HAPLN3: variants seen among roughly 807,000 people sequenced by gnomAD.
HAPLN3 encodes hyaluronan and proteoglycan link protein 3, also known as extracellular link domain containing, 1.
Under a neutral mutation model 28.1 loss-of-function variants are expected in HAPLN3, and 28 were observed. The observed-to-expected ratio is 1.00, with a 90% CI of 0.74 to 1.37. HAPLN3 has a LOEUF of 1.37. Ranked by LOEUF, HAPLN3 falls within the 40% of genes most tolerant of loss-of-function variation. The pLI is 0.00. For synonymous variants in HAPLN3, 211 were observed against 213.1 expected (o/e 0.99, Z 0.09); for missense variants, 513 against 504.6 (o/e 1.02, Z -0.16).
At chr15:88,892,940 C>A in intron 1 of HAPLN3, 1 of 1,532,740 alleles carries the variant, frequency 6.5e-7, no homozygotes, top group Non-Finnish European at 8.7e-7. Flanking sequence ...GTGCCACCAG[C>A]TGGAAGGCCC....
At chr15:88,883,279 T>G (rs1897756723) in intron 2 of HAPLN3, among the ~76,000 whole-genome samples, 2 of 152,252 alleles carry the variant, frequency 1.3e-5, no homozygotes, top group Non-Finnish European at 2.9e-5. Context: ...CAGGGGACTT[T>G]CAGGCTCATT....
rs1304452666 is a variant in HAPLN3, at chr15:88,879,219, G to A, written c.544C>T (p.His182Tyr). 8.7e-6 allele frequency: 14 copies of A among 1,611,686 alleles called. No homozygotes were observed. Among genetic ancestry groups the A allele is most frequent in the Non-Finnish European group, 1.2e-5 (14 of 1,178,880 alleles). ...SPNGRYQFNF[H>Y]EGQQVCAEQA... ...TCTGCACAGACCTGCTGGCCCTCGT[G>A]GAAGTTGAACTGGTAGCGCCCGTTG... The change falls in exon 4 of 5, where the codon CAC (histidine) becomes TAC (tyrosine). Residue 182 changes from histidine (H) to tyrosine (Y), a missense_variant. Transcript: ENST00000359595. This position sits in a 1 kb window ranked among gnomAD's most constrained non-coding sequence, Gnocchi z 5.0.
intron 2 of HAPLN3, among the ~76,000 whole-genome samples, chr15:88,884,083 A>AG (rs1184250419): frequency 2.6e-5 from 4 of 152,052 alleles, no homozygotes; most frequent in African/African-American, 9.7e-5. Flanking sequence ...AAAAAAAAAA[A>AG]AAAGAAAAGG....
At position 88,887,269 on chromosome 15, in the gene HAPLN3, G is replaced by A. The variant is rs751109827; in HGVS notation, c.30C>T (p.Leu10=). 7 of 1,614,016 alleles carry A rather than the reference G, an allele frequency of 4.3e-6. No individual in the cohort carries two copies. In the Admixed American group the frequency reaches 5.0e-5, roughly 12 times the overall value. The change falls in exon 2 of 5, where the codon CTC becomes CTT. Residue 10 remains leucine, a synonymous_variant. Transcript: ENST00000359595. ...GCAGTCCGTAGGAGCCGGGCAGCAG[G>A]AGCAACGGGACCAGGAGCAACAGGC... MGLLLLVPL[L]LLPGSYGLPF...
intron 1 of HAPLN3, among the ~76,000 whole-genome samples, chr15:88,889,288 C>T (rs532308727): frequency 2.6e-5 from 4 of 152,226 alleles, no homozygotes; most frequent in African/African-American, 9.6e-5. Context: ...AAGGGGGTCA[C>T]CAGGGCCAGC....
chr15:88,879,552 C>T lies in HAPLN3; in HGVS notation c.494-283G>A, dbSNP rs1049843224. The T allele has an allele frequency of 9.9e-6, 14 of 1,420,932 alleles. No individual in the cohort carries two copies. The highest frequency in any genetic ancestry group is 4.3e-5 in the African/African-American group (3 of 70,470). 88.0% of individuals were successfully genotyped at this position (1,420,932 alleles called of 1,614,324 possible). ...TCCCCAACCTAATCCGCAAGGCTGT[C>T]GCCAGACCCCCAGTGAGGCTGTGCC... is the stretch of plus-strand genomic sequence containing the variant. On this transcript the variant is annotated intron_variant, in intron 3 of 4. Coordinates refer to ENST00000359595, the MANE Select transcript of HAPLN3 (RefSeq NM_178232.4). The surrounding 1 kb of genome is among the most constrained non-coding windows in gnomAD (Gnocchi z 5.0).
chr15:88,887,944 C>T (rs1897909502), intron 1 of HAPLN3, among the ~76,000 whole-genome samples: 1 of 151,310 alleles, frequency 6.6e-6, no homozygotes, highest in Admixed American at 6.6e-5. Context: ...GCCTGGGCAA[C>T]AAGAGTGAAA....
intron 1 of HAPLN3, among the ~76,000 whole-genome samples, chr15:88,892,352 G>A (rs1185556462): frequency 6.6e-6 from 1 of 152,080 alleles, no homozygotes; most frequent in Non-Finnish European, 1.5e-5. Context: ...AGCTACTCCA[G>A]AGGCTGAGGC....
intron 4 of HAPLN3, among the ~76,000 whole-genome samples, 189 bp downstream of exon 4, chr15:88,878,778 A>G (rs1897606633): frequency 6.6e-6 from 1 of 152,246 alleles, no homozygotes; most frequent in African/African-American, 2.4e-5. Flanking sequence ...TATGCCCTGC[A>G]TAACGCAGCA....
chr15:88,888,712 G>A lies in HAPLN3; in HGVS notation c.-47-1367C>T, dbSNP rs1897932389. ...GTCCAGGGAGGGGGCAGAGTCGTGG[G>A]CAGGCAGTCTTGATTGCTGTGTGTT... On this transcript the variant is annotated intron_variant, in intron 1 of 4. Transcript: ENST00000359595. This position sits in a 1 kb window ranked among gnomAD's most constrained non-coding sequence, Gnocchi z 4.1. Among the ~76,000 whole-genome samples the A allele has an allele frequency of 6.6e-6, 1 of 152,164 alleles. No individual in the cohort carries two copies. The highest frequency in any genetic ancestry group is 2.1e-4 in the South Asian group (1 of 4,834).
In HAPLN3 at chr15:88,879,884, CGT is replaced by C. The variant is rs1298478657; in HGVS notation, c.494-617_494-616del. The C allele has an allele frequency of 9.9e-7, 1 of 1,014,388 alleles. No individual in the cohort carries two copies. Among genetic ancestry groups the C allele is most frequent in the Non-Finnish European group, 1.2e-6 (1 of 847,336 alleles). The allele number at this position is 1,014,388 out of a possible 1,614,324, so 62.8% of individuals were successfully genotyped here. On this transcript the variant is annotated intron_variant, in intron 3 of 4. Transcript: ENST00000359595. This position sits in a 1 kb window ranked among gnomAD's most constrained non-coding sequence, Gnocchi z 5.0. ...GCCACAGGCCCTGAAAAGATATGTT[CGT>C]GTTTGAAATTTTACTCTAATAAAAA...
chr15:88,882,213 G>A (rs1052480031), intron 2 of HAPLN3, among the ~76,000 whole-genome samples: 14 of 152,316 alleles, frequency 9.2e-5, no homozygotes, highest in Middle Eastern at 3.4e-3. Flanking sequence ...AGACCCAACC[G>A]CAAGACCTGA....
At chr15:88,894,432 C>A (rs561461157) in intron 1 of HAPLN3, among the ~76,000 whole-genome samples, 4 of 152,182 alleles carry the variant, frequency 2.6e-5, no homozygotes, top group African/African-American at 9.6e-5. Flanking sequence ...AGTACAAGTC[C>A]CCCAGGTACC....
At chr15:88,878,387 G>T (rs1180111910) in intron 4 of HAPLN3, 131 bp from the exon 5 acceptor site, 16 of 806,234 alleles carry the variant, frequency 2.0e-5, no homozygotes, top group Non-Finnish European at 2.9e-5. Flanking sequence ...CATCTGCAGA[G>T]AACACTTTCT....
chr15:88,879,266 A>T lies in HAPLN3; in HGVS notation c.497T>A (p.Val166Glu). The T allele has an allele frequency of 6.2e-7, 1 of 1,606,104 alleles. No homozygotes were observed. Among genetic ancestry groups the T allele is most frequent in the Non-Finnish European group, 8.5e-7 (1 of 1,175,910 alleles). Residue 166 changes from valine to glutamate, a missense_variant, in exon 4 of 5, where the codon GTG (valine) becomes GAG (glutamate). Transcript: ENST00000359595. The surrounding 1 kb of genome is among the most constrained non-coding windows in gnomAD (Gnocchi z 5.0). ...SGLVELELRGVVFPYQSPNGR... is the reference protein window; with the variant it reads ...SGLVELELRGEVFPYQSPNGR... ...GTTGGGGGACTGGTAAGGAAAGACCACACCTGCAGGGGAAGGAAAGAGGAG... is the reference window on the plus strand; with the variant it reads ...GTTGGGGGACTGGTAAGGAAAGACCTCACCTGCAGGGGAAGGAAAGAGGAG...
At chr15:88,893,946 TGGG>T (rs1387711499) in intron 1 of HAPLN3, among the ~76,000 whole-genome samples, 1 of 77,022 alleles carries the variant, frequency 1.3e-5, no homozygotes, top group Non-Finnish European at 2.5e-5. Context: ...AAAAAAAAGT[TGGG>T]GTGGGGGGGG....
In HAPLN3 at chr15:88,879,058, G is replaced by T; in HGVS notation, c.705C>A (p.Gly235=). 1 of 1,606,122 alleles carries T rather than the reference G, an allele frequency of 6.2e-7. No homozygotes were observed. Among genetic ancestry groups the T allele is most frequent in the Non-Finnish European group, 8.5e-7 (1 of 1,176,648 alleles). ...TTCGCACGCCAGGTGCCAGGCCCGG[G>T]CCACCGCAGGGCTGCCGGGGCAACA... The part of the protein sequence containing the change: ...PIMLPRQPCG[G]PGLAPGVRSY... The change falls in exon 4 of 5, where the codon GGC becomes GGA. Residue 235 remains glycine (G), a synonymous_variant. Transcript: ENST00000359595. This position sits in a 1 kb window ranked among gnomAD's most constrained non-coding sequence, Gnocchi z 5.0.
In HAPLN3 at chr15:88,893,288, G is replaced by A. The variant is rs182876628; in HGVS notation, c.-48+2171C>T. Reference sequence around the variant, plus strand: ...CAAAATTTAGCTGGGTGTGGTGGCAGATGCCTGTAATCCCAGCTACTGGGG... The same window carrying A: ...CAAAATTTAGCTGGGTGTGGTGGCAAATGCCTGTAATCCCAGCTACTGGGG... On this transcript the variant is annotated intron_variant, in intron 1 of 4. Coordinates refer to ENST00000359595, the MANE Select transcript of HAPLN3 (RefSeq NM_178232.4). Among the ~76,000 whole-genome samples, 405 of 152,098 alleles carry A rather than the reference G, an allele frequency of 2.7e-3. 3 individuals carry two copies. Among genetic ancestry groups the A allele is most frequent in the African/African-American group, 9.4e-3 (390 of 41,518 alleles).
intron 1 of HAPLN3, among the ~76,000 whole-genome samples, chr15:88,890,020 G>GGGGA (rs1345794993): frequency 2.8e-4 from 41 of 144,554 alleles, no homozygotes; most frequent in Non-Finnish European, 5.4e-4. Context: ...GAGGGAGGAA[G>GGGGA]GGGAGGAAGG....
Sources: allele counts gnomAD v4.1 joint callset (sites outside exome capture counted in the v4.1 genomes callset), GRCh38; gene constraint gnomAD v4.1.1; non-coding constraint Gnocchi (gnomAD v3.1); transcripts MANE v1.5; gene names NCBI Gene and HGNC (gene_info 2026-07-23, HGNC 2026-07-21).